LRRC69: variants seen among roughly 807,000 people sequenced by gnomAD.
LRRC69 encodes the protein leucine rich repeat containing 69.
Under a neutral mutation model 37.8 loss-of-function variants are expected in LRRC69, and 42 were observed. That is an observed-to-expected ratio of 1.11 (90% CI 0.87 to 1.44). The LOEUF is 1.44. LRRC69 is among the 40% of genes most tolerant of loss of function. The pLI is 0.00. For synonymous variants in LRRC69, 141 were observed against 143.1 expected (o/e 0.99, Z 0.11); for missense variants, 357 against 401.9 (o/e 0.89, Z 0.96).
chr8:91,143,682 G>A (rs977309605), intron 5 of LRRC69, among the ~76,000 whole-genome samples: 8 of 151,826 alleles, frequency 5.3e-5, no homozygotes, highest in East Asian at 1.9e-4. Flanking sequence ...CACCTATTCC[G>A]TTTCATCAAT....
chr8:91,198,439 G>A (rs989215597), intron 6 of LRRC69, among the ~76,000 whole-genome samples: 2 of 152,120 alleles, frequency 1.3e-5, no homozygotes, highest in Non-Finnish European at 2.9e-5. Flanking sequence ...ACGTTTTAGT[G>A]CTTATCATAC....
intron 5 of LRRC69, among the ~76,000 whole-genome samples, chr8:91,170,422 C>G (rs1586262878): frequency 6.9e-6 from 1 of 144,490 alleles, no homozygotes; most frequent in Non-Finnish European, 1.5e-5. Context: ...CATATGGAAC[C>G]AAAAAAGAGC....
At chr8:91,177,259 G>A (rs951922290) in intron 5 of LRRC69, among the ~76,000 whole-genome samples, 7 of 151,972 alleles carry the variant, frequency 4.6e-5, no homozygotes, top group African/African-American at 1.7e-4. Flanking sequence ...TTCTAAAAAG[G>A]GTAAATGTTA....
intron 3 of LRRC69, among the ~76,000 whole-genome samples, chr8:91,132,592 C>T (rs994097223): frequency 1.3e-5 from 2 of 151,960 alleles, no homozygotes; most frequent in African/African-American, 4.8e-5. Context: ...ATTTGCTGTT[C>T]TCAGTTTGTG....
chr8:91,153,938 G>T (rs1385143603), intron 5 of LRRC69, among the ~76,000 whole-genome samples: 1 of 151,482 alleles, frequency 6.6e-6, no homozygotes, highest in East Asian at 1.9e-4. Flanking sequence ...CTGGTTTTTT[G>T]AAAAAATTAA....
At chr8:91,104,993 A>G (rs2130469882) in intron 1 of LRRC69, among the ~76,000 whole-genome samples, 1 of 152,004 alleles carries the variant, frequency 6.6e-6, no homozygotes. Flanking sequence ...TCATTCTTCT[A>G]TTTAGGGGTA....
intron 1 of LRRC69, among the ~76,000 whole-genome samples, chr8:91,112,653 A>G (rs1586224026): frequency 1.3e-5 from 2 of 152,180 alleles, no homozygotes; most frequent in East Asian, 3.9e-4. Flanking sequence ...AAAAGCTGCA[A>G]GCTTTTTCTG....
At chr8:91,124,444 T>G in intron 1 of LRRC69, 49 bp from the exon 2 acceptor site, 1 of 1,401,060 alleles carries the variant, frequency 7.1e-7, no homozygotes, top group Non-Finnish European at 9.4e-7. Context: ...CTTTTTTTCA[T>G]TTGAAGTTGG....
intron 5 of LRRC69, among the ~76,000 whole-genome samples, chr8:91,176,134 A>ATATATATATATTTTTTTTTTTTTTT: frequency 4.0e-5 from 3 of 75,702 alleles, no homozygotes; most frequent in African/African-American, 1.8e-4. Flanking sequence ...ATATATATAT[A>ATATATATATATTTTTTTTTTTTTTT]TTTTTTTTTT....
At chr8:91,211,618 T>TATATATATA (rs1282294122) in intron 7 of LRRC69, among the ~76,000 whole-genome samples, 1 of 125,084 alleles carries the variant, frequency 8.0e-6, no homozygotes, top group Non-Finnish European at 1.8e-5. Flanking sequence ...ATATATATAT[T>TATATATATA]TTTTTTTTAT....
Position 91,198,634 on chromosome 8 carries a change from T to G in LRRC69, c.754-1979T>G, listed in dbSNP as rs1809661041. Among the ~76,000 whole-genome samples the G allele has an allele frequency of 2.6e-5, 4 of 152,130 alleles. No individual in the cohort carries two copies. In the South Asian group the frequency reaches 8.3e-4, roughly 31 times the overall value. ...TCATTTATGATGAATTATAATTAAC[T>G]TACAAATATTCTAAGAAAATAGCAT... On this transcript the variant is annotated intron_variant, in intron 6 of 7. Coordinates refer to ENST00000448384, the Ensembl canonical transcript of LRRC69.
chr8:91,189,718 A>G, intron 6 of LRRC69, 95 bp downstream of exon 6: 1 of 775,736 alleles, frequency 1.3e-6, no homozygotes, highest in Non-Finnish European at 2.0e-6. Flanking sequence ...CAAGCCAGCA[A>G]ATGATTAATG....
intron 5 of LRRC69, among the ~76,000 whole-genome samples, chr8:91,177,442 A>T (rs891966702): frequency 2.6e-5 from 4 of 152,212 alleles, no homozygotes; most frequent in African/African-American, 9.7e-5. Flanking sequence ...TGTATCAAAT[A>T]TGATAAGCAT....
intron 5 of LRRC69, 30 bp downstream of exon 5, chr8:91,135,769 A>AAAAAT: frequency 7.9e-7 from 1 of 1,270,294 alleles, no homozygotes; most frequent in East Asian, 3.1e-5. Context: ...ATTATAATTG[A>AAAAAT]AAAATAATTT....
At chr8:91,171,427 T>C (rs1317946907) in intron 5 of LRRC69, among the ~76,000 whole-genome samples, 2 of 151,994 alleles carry the variant, frequency 1.3e-5, no homozygotes. Flanking sequence ...TATCACCCCC[T>C]CCTGCTCCCT....
chr8:91,104,067 C>T (rs531878820), intron 1 of LRRC69, among the ~76,000 whole-genome samples: 1 of 151,894 alleles, frequency 6.6e-6, no homozygotes, highest in Non-Finnish European at 1.5e-5. Context: ...CTATTTTTGG[C>T]ATCATTTTTC....
Position 91,198,670 on chromosome 8 carries a change from TA to T in LRRC69, c.754-1939del, listed in dbSNP as rs1809661956. On this transcript the variant is annotated intron_variant, in intron 6 of 7. Transcript: ENST00000448384. ...CTAAGAAAATAGCATATAAGCTATC[TA>T]AAAGGAGCAATTTGAGTATTTTGAA... 2.0e-5 allele frequency among the ~76,000 whole-genome samples: 3 copies of T among 152,232 alleles called. No individual in the cohort carries two copies. In the South Asian group the frequency reaches 6.2e-4, roughly 32 times the overall value.
In LRRC69 at chr8:91,114,864, A is replaced by G. The variant is rs151020137; in HGVS notation, c.184-9629A>G. On this transcript the variant is annotated intron_variant, in intron 1 of 7. Transcript: ENST00000448384. ...CTGTATATGCATTGGAATATTACTT[A>G]GATTTAGAAAAGAAAATTCTATCAT... is the stretch of plus-strand genomic sequence containing the variant. Among the ~76,000 whole-genome samples, 113 of 152,198 alleles carry G rather than the reference A, an allele frequency of 7.4e-4. 1 individual carries two copies. The East Asian group carries it at 0.018, about 25-fold the overall frequency.
intron 5 of LRRC69, among the ~76,000 whole-genome samples, chr8:91,154,355 G>C (rs77012641): frequency 6.6e-6 from 1 of 151,756 alleles, no homozygotes; most frequent in Non-Finnish European, 1.5e-5. Flanking sequence ...TTCAAAAGGA[G>C]ACACTCCTCC....
Sources: allele counts gnomAD v4.1 joint callset (sites outside exome capture counted in the v4.1 genomes callset), GRCh38; gene constraint gnomAD v4.1.1; transcripts MANE v1.5; gene names NCBI Gene and HGNC (gene_info 2026-07-23, HGNC 2026-07-21).